The following IPPK variants were observed in gnomAD, a reference collection of about 807,000 sequenced individuals.
The protein encoded by IPPK is inositol-pentakisphosphate 2-kinase.
In IPPK, 22 loss-of-function variants were observed where a neutral mutation model predicts 64.6. That is an observed-to-expected ratio of 0.34 (90% CI 0.24 to 0.49). The LOEUF (loss-of-function observed/expected upper bound fraction) is 0.49. IPPK is among the 20% of genes least tolerant of loss of function. The pLI, the probability that IPPK is intolerant of heterozygous loss-of-function variation, is 0.99. For synonymous variants in IPPK, 262 were observed against 247.2 expected, an observed-to-expected ratio of 1.06 and a Z score of -0.56; for missense variants, 532 against 630.7, an observed-to-expected ratio of 0.84 and a Z score of 1.68.
chr9:92,616,669 GT>G (rs1264819672), intron 12 of IPPK: 1 of 152,516 alleles, frequency 6.6e-6, no homozygotes. Context: ...TCAGGGCTTA[GT>G]TTTGTGGTTT....
At chr9:92,622,394 A>G (rs529199026) in intron 11 of IPPK, among the ~76,000 whole-genome samples, 2 of 152,286 alleles carry the variant, frequency 1.3e-5, no homozygotes, top group South Asian at 2.1e-4. Flanking sequence ...TATAAAGAAA[A>G]TCCAAAAGAA....
Position 92,648,064 on chromosome 9 carries a change from G to T in IPPK, c.499C>A (p.Leu167Ile). Residue 167 changes from leucine (L) to isoleucine (I), a missense_variant, in exon 6 of 13, where the codon CTC becomes ATC. Coordinates refer to ENST00000287996, the MANE Select transcript of IPPK (RefSeq NM_022755.6). ...AGCTGGGCATTGGCTCTCACCTTGA[G>T]GTGCTGGTGCATGCAGTATCGACAG... Reference protein sequence around the residue: ...KVCRYCMHQHLKVATGKWKQI... With the variant: ...KVCRYCMHQHIKVATGKWKQI... The T allele has an allele frequency of 6.2e-7, 1 of 1,611,956 alleles. No homozygotes were observed. Among genetic ancestry groups the T allele is most frequent in the Non-Finnish European group, 8.5e-7 (1 of 1,178,626 alleles).
At chr9:92,622,234 C>A (rs1851653141) in intron 11 of IPPK, among the ~76,000 whole-genome samples, 1 of 152,052 alleles carries the variant, frequency 6.6e-6, no homozygotes. Flanking sequence ...AAACAATTTA[C>A]TTGATGGTAA....
intron 1 of IPPK, among the ~76,000 whole-genome samples, chr9:92,663,179 T>C (rs1285606624): frequency 6.6e-6 from 1 of 152,206 alleles, no homozygotes; most frequent in Non-Finnish European, 1.5e-5. Context: ...ATAACAACAC[T>C]TGGGTCAGTG....
intron 12 of IPPK, chr9:92,618,109 G>A (rs1041868106): frequency 1.5e-5 from 6 of 392,280 alleles, no homozygotes; most frequent in African/African-American, 1.0e-4. Context: ...CTTCACAGGT[G>A]CGGCCACTGC....
At chr9:92,632,825 C>T (rs576631569) in intron 11 of IPPK, among the ~76,000 whole-genome samples, 2 of 152,326 alleles carry the variant, frequency 1.3e-5, no homozygotes, top group African/African-American at 4.8e-5. Context: ...ACTGAGGGCT[C>T]TCTCCCAAAT....
chr9:92,617,882 A>G (rs1588328387), intron 12 of IPPK: 1 of 210,522 alleles, frequency 4.8e-6, no homozygotes, highest in East Asian at 1.2e-4. Flanking sequence ...ATTTTCCTTT[A>G]TGACAGGGCA....
At chr9:92,623,831 T>C (rs939928388) in intron 11 of IPPK, among the ~76,000 whole-genome samples, 3 of 152,216 alleles carry the variant, frequency 2.0e-5, no homozygotes, top group African/African-American at 7.2e-5. Flanking sequence ...TACTCATCCC[T>C]GTGGCCCAGA....
intron 7 of IPPK, among the ~76,000 whole-genome samples, chr9:92,642,447 C>T (rs781023899): frequency 6.6e-5 from 10 of 152,246 alleles, no homozygotes; most frequent in Admixed American, 2.0e-4. Context: ...AGGGCCCAGA[C>T]GGATGGAGGT....
At position 92,616,126 on chromosome 9, in the gene IPPK, T is replaced by C. The variant is rs898435446; in HGVS notation, c.1251-69A>G. 3 of 1,049,786 alleles carry C rather than the reference T, an allele frequency of 2.9e-6. No individual in the cohort carries two copies. The African/African-American group carries it at 4.8e-5, about 17-fold the overall frequency. The allele number at this position is 1,049,786 out of a possible 1,614,324, so 65.0% of individuals were successfully genotyped here. ...TCATTTCCCTCCCTCCCGTTCTCTC[T>C]CCCTTTCTTCTTTCAACTAGTATGT... is the stretch of plus-strand genomic sequence containing the variant. On this transcript the variant is annotated intron_variant, in intron 12 of 12. Coordinates refer to ENST00000287996, the MANE Select transcript of IPPK (RefSeq NM_022755.6).
At position 92,652,654 on chromosome 9, in the gene IPPK, A is replaced by G. The variant is rs773038801; in HGVS notation, c.226-15T>C. On this transcript the variant is annotated splice_polypyrimidine_tract_variant and intron_variant, in intron 3 of 12. Coordinates refer to ENST00000287996, the MANE Select transcript of IPPK (RefSeq NM_022755.6). ...TGAACGACCTCCTGTAAGAAAATAC[A>G]TGAAATTCTCAGTGTGAATTGCACA... 50 of 1,500,398 alleles carry G rather than the reference A, an allele frequency of 3.3e-5. No homozygotes were observed. The highest frequency in any genetic ancestry group is 4.3e-5 in the Non-Finnish European group (47 of 1,090,974). 92.9% of individuals were successfully genotyped at this position (1,500,398 alleles called of 1,614,324 possible). A position where few individuals can be genotyped will look rare whatever the true frequency, so the allele number is the denominator to read the frequency against.
intron 3 of IPPK, among the ~76,000 whole-genome samples, chr9:92,655,778 G>A (rs1852360755): frequency 6.6e-6 from 1 of 152,208 alleles, no homozygotes; most frequent in Non-Finnish European, 1.5e-5. Context: ...CAGGGGAACT[G>A]TGACCCCCAA....
intron 7 of IPPK, 68 bp from the exon 8 acceptor site, chr9:92,640,850 G>C: frequency 9.1e-7 from 1 of 1,096,606 alleles, no homozygotes; most frequent in South Asian, 1.2e-5. Context: ...ACACACACCT[G>C]CTCGTGGCTC....
intron 4 of IPPK, among the ~76,000 whole-genome samples, chr9:92,649,974 C>G (rs369961034): frequency 7.0e-6 from 1 of 142,956 alleles, no homozygotes; most frequent in African/African-American, 2.6e-5. Flanking sequence ...TGTGGTGAGC[C>G]GAGATCGTGC....
intron 6 of IPPK, among the ~76,000 whole-genome samples, chr9:92,643,829 A>G (rs537704973): frequency 2.0e-5 from 3 of 152,270 alleles, no homozygotes; most frequent in Non-Finnish European, 4.4e-5. Context: ...AATTACATGC[A>G]TATTTTTGTG....
In IPPK at chr9:92,670,112, TC is replaced by T. The variant is rs1852700279; in HGVS notation, c.-125del. On this transcript the variant is annotated 5_prime_UTR_variant, in exon 1 of 13. Coordinates refer to ENST00000287996, the MANE Select transcript of IPPK (RefSeq NM_022755.6). Reference sequence around the variant, plus strand: ...AGCGCCTGTCAGCTGCCGCCCCCGCTCGACCCCGCCGCGGCGACTAGCAAGC... The same window carrying T: ...AGCGCCTGTCAGCTGCCGCCCCCGCTGACCCCGCCGCGGCGACTAGCAAGC... 1 of 600,598 alleles carries T rather than the reference TC, an allele frequency of 1.7e-6. No individual in the cohort carries two copies. Among genetic ancestry groups the T allele is most frequent in the South Asian group, 2.3e-5 (1 of 42,872 alleles). The allele number at this position is 600,598 out of a possible 1,614,324, so 37.2% of individuals were successfully genotyped here.
At chr9:92,626,823 GA>G (rs1417171157) in intron 11 of IPPK, among the ~76,000 whole-genome samples, 1 of 151,378 alleles carries the variant, frequency 6.6e-6, no homozygotes, top group Non-Finnish European at 1.5e-5. Context: ...CAGCCAGAGA[GA>G]AAAGACAGAT....
intron 7 of IPPK, 43 bp downstream of exon 7, chr9:92,642,709 A>G: frequency 6.4e-7 from 1 of 1,558,206 alleles, no homozygotes; most frequent in Non-Finnish European, 8.8e-7. Context: ...ACCCATCTCC[A>G]GGGAACCTGA....
At chr9:92,619,818 G>A in intron 11 of IPPK, 1 of 528,922 alleles carries the variant, frequency 1.9e-6, no homozygotes, top group Non-Finnish European at 3.4e-6. Context: ...AGCAGTGTGG[G>A]ACCCCGACTC....
Sources: gnomAD v4.1 joint callset for allele counts (sites outside exome capture counted in the v4.1 genomes callset) on GRCh38, gnomAD v4.1.1 for gene constraint, MANE v1.5 for transcripts, NCBI Gene and HGNC (gene_info 2026-07-23, HGNC 2026-07-21) for gene names.